The following INPP4B variants were observed in gnomAD, a reference collection of about 807,000 sequenced individuals.
The protein encoded by INPP4B is inositol polyphosphate-4-phosphatase type II B, also known as inositol polyphosphate 4-phosphatase type II.
A neutral mutation model predicts 122.5 loss-of-function variants in INPP4B; 55 were observed. That is an observed-to-expected ratio of 0.45 (90% CI 0.36 to 0.56). The LOEUF (loss-of-function observed/expected upper bound fraction) is 0.56. Ranked by LOEUF, INPP4B falls within the 20% of genes least tolerant of loss-of-function variation. The pLI is 0.00. For missense variants in INPP4B, 1,000 were observed against 1,097.7 expected (o/e 0.91, Z 1.26); for synonymous variants, 403 against 388.7 (o/e 1.04, Z -0.43).
intron 23 of INPP4B, among the ~76,000 whole-genome samples, chr4:142,087,059 C>T (rs1487032775): frequency 1.3e-5 from 2 of 152,134 alleles, no homozygotes; most frequent in African/African-American, 4.8e-5. Flanking sequence ...CTTCTTGAAT[C>T]AGGTAATATT....
At position 142,435,617 on chromosome 4, in the gene INPP4B, G is replaced by A. The variant is rs145164545; in HGVS notation, c.-126-4232C>T. ...CTGTCATCAGGACTGATAGGTGGCT[G>A]GCATGACCCAGAGAGTAAAAGGAAG... is the stretch of plus-strand genomic sequence containing the variant. On this transcript the variant is annotated intron_variant, in intron 3 of 25. Transcript: ENST00000262992. Among the ~76,000 whole-genome samples the A allele has an allele frequency of 2.3e-3, 356 of 152,312 alleles. 3 individuals carry two copies. Among genetic ancestry groups the A allele is most frequent in the African/African-American group, 5.2e-3 (216 of 41,570 alleles).
intron 25 of INPP4B, among the ~76,000 whole-genome samples, chr4:142,078,095 C>T (rs541277226): frequency 2.0e-5 from 3 of 151,830 alleles, no homozygotes; most frequent in African/African-American, 7.2e-5. Flanking sequence ...ATTTTCTAAT[C>T]TGAAGAGGCA....
chr4:142,582,483 A>G (rs1735317005), intron 2 of INPP4B, among the ~76,000 whole-genome samples: 1 of 152,060 alleles, frequency 6.6e-6, no homozygotes, highest in African/African-American at 2.4e-5. Context: ...TGTGTGGGAG[A>G]AGTTGGGCAG....
intron 12 of INPP4B, among the ~76,000 whole-genome samples, chr4:142,212,571 T>C (rs1247486414): frequency 1.3e-5 from 2 of 152,212 alleles, no homozygotes; most frequent in Non-Finnish European, 2.9e-5. Context: ...CTCCTCATGG[T>C]GGTGAGCATG....
At chr4:142,101,234 C>A (rs185457567) in intron 23 of INPP4B, among the ~76,000 whole-genome samples, 9 of 152,188 alleles carry the variant, frequency 5.9e-5, no homozygotes, top group African/African-American at 1.9e-4. Flanking sequence ...CACATGGATT[C>A]CAATTTTAGG....
intron 1 of INPP4B, among the ~76,000 whole-genome samples, chr4:142,746,849 T>C (rs538365552): frequency 1.3e-5 from 2 of 152,300 alleles, no homozygotes; most frequent in South Asian, 4.1e-4. Context: ...ATCCCTTCCT[T>C]ACACCTTATG....
At chr4:142,844,223 TAAAG>T (rs998090885) in intron 1 of INPP4B, among the ~76,000 whole-genome samples, 86 of 152,310 alleles carry the variant, frequency 5.6e-4, no homozygotes, top group African/African-American at 2.0e-3. Context: ...TTACACTTTA[TAAAG>T]AGTCAAAAGC....
chr4:142,069,897 C>A (rs1189325909), intron 25 of INPP4B, among the ~76,000 whole-genome samples: 2 of 152,162 alleles, frequency 1.3e-5, no homozygotes, highest in Non-Finnish European at 2.9e-5. Flanking sequence ...CCAAAATCTA[C>A]CAGAGGTACA....
chr4:142,587,105 G>C (rs1736381890), intron 2 of INPP4B, among the ~76,000 whole-genome samples: 1 of 152,094 alleles, frequency 6.6e-6, no homozygotes, highest in Non-Finnish European at 1.5e-5. Flanking sequence ...TGAGTTGGTG[G>C]AATCTTTTTC....
At chr4:142,626,544 A>G (rs187650310) in intron 2 of INPP4B, among the ~76,000 whole-genome samples, 1 of 152,106 alleles carries the variant, frequency 6.6e-6, no homozygotes, top group Admixed American at 6.6e-5. Context: ...CAATGATGTG[A>G]ACTTGGAAAA....
intron 5 of INPP4B, among the ~76,000 whole-genome samples, chr4:142,424,566 C>T (rs924772897): frequency 6.6e-6 from 1 of 152,082 alleles, no homozygotes; most frequent in Admixed American, 6.6e-5. Flanking sequence ...CCATATTGTG[C>T]ATATTATCCT....
chr4:142,319,250 T>C (rs1427605380), intron 7 of INPP4B, among the ~76,000 whole-genome samples: 1 of 151,910 alleles, frequency 6.6e-6, no homozygotes, highest in East Asian at 1.9e-4. Context: ...GGGAAAGACA[T>C]TGGTTATAGT....
chr4:142,029,580 C>G (rs1738529173), intron 25 of INPP4B: 2 of 985,456 alleles, frequency 2.0e-6, no homozygotes, highest in Non-Finnish European at 2.4e-6. Flanking sequence ...GAGATACAAA[C>G]AGGTAATTTA....
intron 2 of INPP4B, among the ~76,000 whole-genome samples, chr4:142,468,591 A>C (rs1208342004): frequency 1.3e-5 from 2 of 152,030 alleles, no homozygotes; most frequent in Non-Finnish European, 2.9e-5. Context: ...GTGAGTCCTC[A>C]CTTTGTTAGT....
intron 1 of INPP4B, among the ~76,000 whole-genome samples, chr4:142,728,455 T>C (rs1251743967): frequency 6.6e-6 from 1 of 152,178 alleles, no homozygotes; most frequent in Non-Finnish European, 1.5e-5. Flanking sequence ...ACCCTGAATA[T>C]GATCTTATTC....
At chr4:142,304,467 A>G (rs1762622285) in intron 9 of INPP4B, among the ~76,000 whole-genome samples, 1 of 152,066 alleles carries the variant, frequency 6.6e-6, no homozygotes, top group South Asian at 2.1e-4. Context: ...ACATAGTTTA[A>G]ATTATCTTAT....
At chr4:142,151,311 A>G (rs541389610) in intron 17 of INPP4B, among the ~76,000 whole-genome samples, 18 of 152,084 alleles carry the variant, frequency 1.2e-4, no homozygotes, top group Admixed American at 2.0e-4. Flanking sequence ...ACATCCACAC[A>G]TCAACACACA....
intron 16 of INPP4B, among the ~76,000 whole-genome samples, chr4:142,163,983 G>A (rs537634956): frequency 3.3e-5 from 5 of 151,598 alleles, no homozygotes; most frequent in African/African-American, 7.3e-5. Context: ...TAATAATATC[G>A]TGTAAAAAGA....
At chr4:142,040,925 T>C (rs1398062420) in intron 25 of INPP4B, among the ~76,000 whole-genome samples, 1 of 152,192 alleles carries the variant, frequency 6.6e-6, no homozygotes, top group African/African-American at 2.4e-5. Flanking sequence ...TGTCTAAGCC[T>C]TCTGATTCTA....
Sources: allele counts gnomAD v4.1 joint callset (sites outside exome capture counted in the v4.1 genomes callset), GRCh38; gene constraint gnomAD v4.1.1; transcripts MANE v1.5; gene names NCBI Gene and HGNC (gene_info 2026-07-23, HGNC 2026-07-21).